Variants in SLC4A4 observed in about 807,000 individuals in gnomAD.
SLC4A4 encodes the protein solute carrier family 4 member 4.
SLC4A4 carries 27 observed loss-of-function variants against 111.5 expected under a neutral mutation model. The ratio of observed to expected loss-of-function variants is 0.24; its 90% CI spans 0.18 to 0.33. SLC4A4 has a LOEUF of 0.33. Ranked by LOEUF, SLC4A4 falls within the 10% of genes least tolerant of loss-of-function variation. The pLI is 1.00. For missense variants in SLC4A4, 909 were observed against 1,315.5 expected (o/e 0.69, Z 4.78); for synonymous variants, 443 against 463.4 (o/e 0.96, Z 0.57).
At chr4:71,319,752 G>A (rs761997553) in intron 3 of SLC4A4, among the ~76,000 whole-genome samples, 6 of 151,944 alleles carry the variant, frequency 3.9e-5, no homozygotes, top group Non-Finnish European at 7.4e-5. Context: ...TGTACCTTTA[G>A]TATTCTCTTC....
intron 2 of SLC4A4, among the ~76,000 whole-genome samples, chr4:71,093,246 CA>C (rs1246989036): frequency 1.3e-5 from 2 of 151,814 alleles, no homozygotes; most frequent in East Asian, 3.9e-4. Context: ...TGGCTCACTG[CA>C]ATCTCTACCT....
intron 6 of SLC4A4, among the ~76,000 whole-genome samples, chr4:71,382,027 A>T (rs1446178162): frequency 3.9e-5 from 6 of 152,178 alleles, no homozygotes; most frequent in African/African-American, 1.4e-4. Context: ...GGAACTGGAG[A>T]AAAGGCAGCT....
intron 3 of SLC4A4, among the ~76,000 whole-genome samples, chr4:71,255,806 A>G (rs1721411199): frequency 6.6e-6 from 1 of 152,170 alleles, no homozygotes; most frequent in Non-Finnish European, 1.5e-5. Context: ...CTATATATTT[A>G]CATATCTTAC....
chr4:71,092,079 GAGTTACTACTCAT>G (rs2148941356), intron 1 of SLC4A4, among the ~76,000 whole-genome samples: 1 of 152,262 alleles, frequency 6.6e-6, no homozygotes, highest in South Asian at 2.1e-4. Context: ...GTAACACATA[GAGTTACTACTCAT>G]AGTTACTACT....
chr4:71,439,435 C>CAAAAAAAAAAAAAA (rs56283596), intron 7 of SLC4A4, among the ~76,000 whole-genome samples: 7 of 34,182 alleles, frequency 2.0e-4, no homozygotes, highest in Middle Eastern at 0.021. Context: ...GACTCTGTCT[C>CAAAAAAAAAAAAAA]AAAAAAAAAA....
At chr4:71,559,345 T>C (rs759205035) in intron 22 of SLC4A4, among the ~76,000 whole-genome samples, 12 of 151,864 alleles carry the variant, frequency 7.9e-5, no homozygotes, top group Non-Finnish European at 1.6e-4. Flanking sequence ...ATATTTGTTT[T>C]GGAAGCAGAC....
At chr4:71,141,041 G>A (rs1441292757) in intron 2 of SLC4A4, among the ~76,000 whole-genome samples, 1 of 152,106 alleles carries the variant, frequency 6.6e-6, no homozygotes, top group African/African-American at 2.4e-5. Context: ...CTTAGCAATT[G>A]TGAAATGTAT....
chr4:71,508,842 A>T (rs1731649333), intron 16 of SLC4A4, among the ~76,000 whole-genome samples: 1 of 152,210 alleles, frequency 6.6e-6, no homozygotes, highest in African/African-American at 2.4e-5. Flanking sequence ...ATGAACATTG[A>T]TGCAAAAATC....
chr4:71,334,088 C>T (rs981317399), intron 3 of SLC4A4, among the ~76,000 whole-genome samples: 3 of 152,064 alleles, frequency 2.0e-5, no homozygotes, highest in Non-Finnish European at 2.9e-5. Context: ...AGGCACTTCT[C>T]CCCATGGCCA....
At chr4:71,211,223 T>C (rs1415412160) in intron 1 of SLC4A4, among the ~76,000 whole-genome samples, 1 of 152,224 alleles carries the variant, frequency 6.6e-6, no homozygotes, top group African/African-American at 2.4e-5. Context: ...TCCTACAGAT[T>C]TTAGGCTTTT....
At chr4:71,441,219 G>A (rs937043778) in intron 8 of SLC4A4, among the ~76,000 whole-genome samples, 1 of 152,056 alleles carries the variant, frequency 6.6e-6, no homozygotes, top group Non-Finnish European at 1.5e-5. Context: ...TCATCAAGCT[G>A]TATACTTAAG....
At chr4:71,074,163 T>C (rs1457255644) in intron 1 of SLC4A4, among the ~76,000 whole-genome samples, 1 of 152,196 alleles carries the variant, frequency 6.6e-6, no homozygotes, top group African/African-American at 2.4e-5. Context: ...TTTAGTGACA[T>C]CATTTATTTC....
chr4:71,393,151 C>T (rs117753048), intron 6 of SLC4A4, among the ~76,000 whole-genome samples: 2,310 of 152,176 alleles, frequency 0.015, 114 homozygotes, highest in East Asian at 0.14. Context: ...CAACATAACA[C>T]TGGAAGTCCC....
rs150896841 is a variant in SLC4A4 at position 71,281,256 on chromosome 4, G to T, written c.253+25857G>T. Among the ~76,000 whole-genome samples, 32 of 152,270 alleles carry T rather than the reference G, an allele frequency of 2.1e-4. 1 individual carries two copies. The East Asian group carries it at 5.0e-3, about 24-fold the overall frequency. ...CAGTGGGCCTGGAGTCACATTCAAC[G>T]CTCTGCTTAAGGGCTGCAAATTGGG... On this transcript the variant is annotated intron_variant, in intron 3 of 25. Transcript: ENST00000264485.
At position 71,068,578 on chromosome 4, in the gene SLC4A4, T is replaced by TA. The variant is rs552248744; in HGVS notation, c.-65+5791dup. ...TTTTTCTTTTTTTCTTTTTTTTTTT[T>TA]AGGCAGTGTCTTGCTCTGTCATCCA... On this transcript the variant is annotated intron_variant, in intron 1 of 26. Coordinates refer to the SLC4A4 transcript ENST00000649996. 4.0e-4 allele frequency among the ~76,000 whole-genome samples: 60 copies of TA among 151,878 alleles called. No individual in the cohort carries two copies. The South Asian group carries it at 9.4e-3, about 24-fold the overall frequency.
At chr4:71,411,542 T>C (rs951874793) in intron 7 of SLC4A4, among the ~76,000 whole-genome samples, 1 of 152,216 alleles carries the variant, frequency 6.6e-6, no homozygotes, top group Non-Finnish European at 1.5e-5. Context: ...AGAAATGATA[T>C]CCAGCCATCT....
chr4:71,492,788 A>G (rs1197959700), intron 15 of SLC4A4, among the ~76,000 whole-genome samples: 3 of 151,906 alleles, frequency 2.0e-5, no homozygotes, highest in Non-Finnish European at 4.4e-5. Flanking sequence ...TGCCCTTTGA[A>G]TACGAGAGTT....
At chr4:71,353,410 G>A (rs1283486418) in intron 5 of SLC4A4, among the ~76,000 whole-genome samples, 1 of 152,174 alleles carries the variant, frequency 6.6e-6, no homozygotes, top group East Asian at 1.9e-4. Flanking sequence ...ACAAAGAGGA[G>A]GAAAAGGGCC....
intron 7 of SLC4A4, among the ~76,000 whole-genome samples, chr4:71,423,753 T>C (rs1370452608): frequency 1.3e-5 from 2 of 152,236 alleles, no homozygotes; most frequent in Non-Finnish European, 2.9e-5. Flanking sequence ...GGATTCCCTA[T>C]TTAATAAATG....
Sources: allele counts gnomAD v4.1 joint callset (sites outside exome capture counted in the v4.1 genomes callset), GRCh38; gene constraint gnomAD v4.1.1; transcripts MANE v1.5; gene names NCBI Gene and HGNC (gene_info 2026-07-23, HGNC 2026-07-21).